ACTR3C: variants seen among roughly 807,000 people sequenced by gnomAD.
ACTR3C encodes actin-related protein 3C.
ACTR3C carries 18 observed loss-of-function variants against 26.3 expected under a neutral mutation model. The observed-to-expected ratio is 0.68, with a 90% CI of 0.47 to 1.01. ACTR3C has a LOEUF of 1.01. Among genes scored for constraint, ACTR3C ranks in the 50% least tolerant of loss-of-function variants. The pLI, the probability that ACTR3C is intolerant of heterozygous loss-of-function variation, is 0.00. For missense variants in ACTR3C, 184 were observed against 250.7 expected (o/e 0.73, Z 1.80); for synonymous variants, 55 against 94.5 (o/e 0.58, Z 2.42).
At chr7:150,113,733 C>T in the ACTR3C span, among the ~76,000 whole-genome samples, 11 of 152,168 alleles carry the variant, frequency 7.2e-5, no homozygotes, top group African/African-American at 2.4e-4. Context: ...AATAACATCT[C>T]GACAAATTTT....
the ACTR3C span, among the ~76,000 whole-genome samples, chr7:149,897,375 G>A: frequency 1.1e-3 from 170 of 152,342 alleles, no homozygotes; most frequent in Non-Finnish European, 2.1e-3. Context: ...TACCTTTAAT[G>A]CCTCATTTCC....
At chr7:149,886,554 C>T in the ACTR3C span, among the ~76,000 whole-genome samples, 15 of 152,234 alleles carry the variant, frequency 9.9e-5, no homozygotes, top group Admixed American at 2.6e-4. Context: ...GATAAAGATA[C>T]CATTTGCAAG....
At chr7:150,198,383 C>T in the ACTR3C span, among the ~76,000 whole-genome samples, 4 of 148,214 alleles carry the variant, frequency 2.7e-5, no homozygotes, top group Non-Finnish European at 5.9e-5. Flanking sequence ...GGCCGCCATC[C>T]CATCTAGGAA....
intron 2 of ACTR3C, among the ~76,000 whole-genome samples, chr7:150,295,040 G>A (rs1242209460): frequency 1.3e-5 from 2 of 152,150 alleles, no homozygotes; most frequent in Non-Finnish European, 2.9e-5. Flanking sequence ...AAAAGAGCCA[G>A]ACGACGTCTA....
chr7:149,889,384 T>G, the ACTR3C span, among the ~76,000 whole-genome samples: 1 of 152,180 alleles, frequency 6.6e-6, no homozygotes, highest in Non-Finnish European at 1.5e-5. Context: ...AAGATCGCTG[T>G]GGTACATATT....
At chr7:150,108,889 T>C in the ACTR3C span, among the ~76,000 whole-genome samples, 3 of 151,484 alleles carry the variant, frequency 2.0e-5, no homozygotes, top group African/African-American at 7.3e-5. Flanking sequence ...GAGAGTAAGG[T>C]GCTGGAGAGG....
At chr7:150,058,933 AAAAC>A in the ACTR3C span, among the ~76,000 whole-genome samples, 18 of 152,050 alleles carry the variant, frequency 1.2e-4, no homozygotes, top group East Asian at 2.1e-3. Flanking sequence ...AACAAACAAA[AAAAC>A]AAACAAACAT....
At chr7:150,264,224 G>T (rs1337329772) in intron 6 of ACTR3C, among the ~76,000 whole-genome samples, 1 of 152,234 alleles carries the variant, frequency 6.6e-6, no homozygotes, top group Non-Finnish European at 1.5e-5. Context: ...CAGAATCCCT[G>T]CTTCCTCACC....
chr7:150,140,318 C>T, the ACTR3C span, among the ~76,000 whole-genome samples: 1 of 152,030 alleles, frequency 6.6e-6, no homozygotes, highest in African/African-American at 2.4e-5. Flanking sequence ...AACAATGTGA[C>T]CAATGTGTTT....
the ACTR3C span, among the ~76,000 whole-genome samples, chr7:149,906,660 G>A: frequency 7.0e-6 from 1 of 143,812 alleles, no homozygotes; most frequent in African/African-American, 2.6e-5. Context: ...TCAAATCCCT[G>A]ACCTCAGGTG....
the ACTR3C span, among the ~76,000 whole-genome samples, chr7:149,903,756 C>G: frequency 6.7e-6 from 1 of 150,160 alleles, no homozygotes. Flanking sequence ...GTTGCCAAGG[C>G]TGGTCTCAAA....
At chr7:150,023,348 T>TCA in the ACTR3C span, among the ~76,000 whole-genome samples, 29 of 111,256 alleles carry the variant, frequency 2.6e-4, no homozygotes, top group South Asian at 7.4e-4. Context: ...CATATATATT[T>TCA]TAGAGACAGA....
At position 150,270,619 on chromosome 7, in the gene ACTR3C, C is replaced by G. The variant is rs565986724; in HGVS notation, c.564+14134G>C. 4.6e-5 allele frequency among the ~76,000 whole-genome samples: 7 copies of G among 152,018 alleles called. No homozygotes were observed. The East Asian group carries it at 1.2e-3, about 25-fold the overall frequency. ...TCAACACACATGGGCGCCACCCCCCCGCCCTGCAGCCCATGTGCTCAGCAC... is the reference window on the plus strand; with the variant it reads ...TCAACACACATGGGCGCCACCCCCCGGCCCTGCAGCCCATGTGCTCAGCAC... On this transcript the variant is annotated intron_variant, in intron 6 of 7. Coordinates refer to ENST00000683684, the MANE Select transcript of ACTR3C (RefSeq NM_001164458.2).
At chr7:150,155,171 T>G in the ACTR3C span, among the ~76,000 whole-genome samples, 1 of 152,020 alleles carries the variant, frequency 6.6e-6, no homozygotes, top group Admixed American at 6.6e-5. Context: ...CCCACGGAGA[T>G]CCGGTGGAAA....
intron 1 of ACTR3C, among the ~76,000 whole-genome samples, chr7:150,316,479 GGTTA>G (rs1440298385): frequency 9.1e-5 from 12 of 131,892 alleles, no homozygotes; most frequent in East Asian, 9.1e-4. Context: ...TTTAGAATCT[GGTTA>G]TTTTTTTTTT....
the ACTR3C span, among the ~76,000 whole-genome samples, chr7:150,034,785 G>T: frequency 2.0e-5 from 3 of 151,148 alleles, no homozygotes; most frequent in Admixed American, 1.3e-4. Context: ...AGGGGGGGAA[G>T]AGGGTCTGGC....
At chr7:150,290,505 C>T (rs1322666712) in intron 3 of ACTR3C, among the ~76,000 whole-genome samples, 3 of 152,104 alleles carry the variant, frequency 2.0e-5, no homozygotes, top group South Asian at 2.1e-4. Flanking sequence ...TCAGGTTTCA[C>T]GTTACAGCAC....
the ACTR3C span, among the ~76,000 whole-genome samples, chr7:150,085,052 C>G: frequency 2.6e-5 from 4 of 152,098 alleles, no homozygotes; most frequent in Admixed American, 2.6e-4. Flanking sequence ...GCTTGACCAC[C>G]TGGGTTGGTG....
At chr7:150,316,170 C>A (rs1796863179) in intron 1 of ACTR3C, among the ~76,000 whole-genome samples, 1 of 152,218 alleles carries the variant, frequency 6.6e-6, no homozygotes, top group Non-Finnish European at 1.5e-5. Flanking sequence ...GCACTCCAGC[C>A]TGGGCAACAA....
Sources: gnomAD v4.1 joint callset for allele counts (sites outside exome capture counted in the v4.1 genomes callset) on GRCh38, gnomAD v4.1.1 for gene constraint, MANE v1.5 for transcripts, NCBI Gene and HGNC (gene_info 2026-07-23, HGNC 2026-07-21) for gene names.